The following PCNX2 variants were observed in gnomAD, a reference collection of about 807,000 sequenced individuals.
PCNX2 encodes the protein pecanex-like protein 2.
A neutral mutation model predicts 223.8 loss-of-function variants in PCNX2; 168 were observed. The ratio of observed to expected loss-of-function variants is 0.75; its 90% CI spans 0.66 to 0.85. PCNX2 has a LOEUF of 0.85. Among genes scored for constraint, PCNX2 ranks in the 40% least tolerant of loss-of-function variants. PCNX2 has a pLI of 0.00. For missense variants in PCNX2, 2,507 were observed against 2,675.5 expected, an observed-to-expected ratio of 0.94 and a Z score of 1.39; for synonymous variants, 1,006 against 1,052.6, an observed-to-expected ratio of 0.96 and a Z score of 0.86.
chr1:233,319,795 T>A, the PCNX2 span, among the ~76,000 whole-genome samples: 2 of 152,248 alleles, frequency 1.3e-5, no homozygotes, highest in African/African-American at 4.8e-5. Context: ...TAACTATCAA[T>A]CACTTCTGTA....
At chr1:233,319,598 TTGTC>T in the PCNX2 span, among the ~76,000 whole-genome samples, 6 of 152,246 alleles carry the variant, frequency 3.9e-5, no homozygotes, top group Non-Finnish European at 8.8e-5. Flanking sequence ...TGACCCAGCT[TTGTC>T]TGTACTGCCC....
intron 21 of PCNX2, among the ~76,000 whole-genome samples, chr1:233,104,741 A>C (rs945186187): frequency 3.3e-5 from 5 of 152,198 alleles, no homozygotes; most frequent in African/African-American, 7.2e-5. Flanking sequence ...GGTACATTTA[A>C]AACAATTGAT....
chr1:233,149,228 T>C (rs1254894977), intron 19 of PCNX2, among the ~76,000 whole-genome samples: 1 of 152,264 alleles, frequency 6.6e-6, no homozygotes, highest in Non-Finnish European at 1.5e-5. Context: ...AGTTTATATA[T>C]AACTCATTAC....
In PCNX2 at chr1:233,261,749, G is replaced by T. The variant is rs369208051; in HGVS notation, c.480+296C>A. Reference sequence around the variant, plus strand: ...ATGATGACTTAAATGAATGACAACAGAAAGAAGCAAAGGCCTACATATTGG... The same window carrying T: ...ATGATGACTTAAATGAATGACAACATAAAGAAGCAAAGGCCTACATATTGG... On this transcript the variant is annotated intron_variant, in intron 3 of 33. Transcript: ENST00000258229. 2.6e-5 allele frequency among the ~76,000 whole-genome samples: 4 copies of T among 152,234 alleles called. No individual in the cohort carries two copies. The East Asian group carries it at 7.7e-4, about 29-fold the overall frequency.
chr1:233,021,910 T>A (rs979619155), intron 26 of PCNX2, among the ~76,000 whole-genome samples: 1 of 151,996 alleles, frequency 6.6e-6, no homozygotes, highest in Non-Finnish European at 1.5e-5. Flanking sequence ...AAAAGAAAGG[T>A]GAGTATCAAC....
intron 12 of PCNX2, among the ~76,000 whole-genome samples, chr1:233,209,437 A>G (rs1681701223): frequency 1.3e-5 from 2 of 152,382 alleles, no homozygotes; most frequent in South Asian, 4.1e-4. Context: ...TACATCTCAT[A>G]AATCAATGCA....
chr1:233,140,396 C>T (rs528518315), intron 19 of PCNX2, among the ~76,000 whole-genome samples: 1 of 152,318 alleles, frequency 6.6e-6, no homozygotes, highest in South Asian at 2.1e-4. Flanking sequence ...GTGCTTACAA[C>T]AAAGGAAGTA....
upstream of PCNX2, among the ~76,000 whole-genome samples, chr1:233,300,346 A>G: frequency 6.6e-6 from 1 of 152,254 alleles, no homozygotes. Flanking sequence ...ACAATGTAAA[A>G]GTTGAAATAT....
At chr1:233,211,586 T>G (rs1006468611) in intron 12 of PCNX2, among the ~76,000 whole-genome samples, 31 of 152,140 alleles carry the variant, frequency 2.0e-4, no homozygotes, top group African/African-American at 7.5e-4. Context: ...ACTATTCTCA[T>G]TTTGATAAGA....
chr1:233,198,548 C>T lies in PCNX2; in HGVS notation c.3066+391G>A, dbSNP rs722413. ...TCTAACATTTTGTGGCTGTCATATC[C>T]TCTTCTGTCCTCTTGTCTATCTAGC... On this transcript the variant is annotated intron_variant, in intron 15 of 33. Coordinates refer to ENST00000258229, the MANE Select transcript of PCNX2 (RefSeq NM_014801.4). Among the ~76,000 whole-genome samples the T allele has an allele frequency of 6.7e-3, 1,014 of 152,290 alleles. 8 individuals carry two copies. Among genetic ancestry groups the T allele is most frequent in the Non-Finnish European group, 1.0e-2 (679 of 68,024 alleles).
intron 17 of PCNX2, among the ~76,000 whole-genome samples, chr1:233,162,937 C>T (rs1373495768): frequency 2.0e-5 from 3 of 152,082 alleles, no homozygotes; most frequent in Non-Finnish European, 2.9e-5. Context: ...GGAAGGAAGG[C>T]TGCATTTCTA....
At chr1:233,205,669 G>C (rs990299729) in intron 13 of PCNX2, among the ~76,000 whole-genome samples, 1 of 151,364 alleles carries the variant, frequency 6.6e-6, no homozygotes, top group Admixed American at 6.6e-5. Context: ...GCACTCTACT[G>C]AGCAACAGAG....
chr1:233,245,284 G>A (rs1184182217), intron 8 of PCNX2, among the ~76,000 whole-genome samples: 2 of 152,274 alleles, frequency 1.3e-5, no homozygotes, highest in Admixed American at 1.3e-4. Flanking sequence ...ATACCAGGGA[G>A]ACTGTGATCA....
chr1:233,105,644 C>T (rs1467295253), intron 21 of PCNX2, among the ~76,000 whole-genome samples: 3 of 152,088 alleles, frequency 2.0e-5, no homozygotes, highest in African/African-American at 7.2e-5. Flanking sequence ...AGAAACAATG[C>T]AGGGATGATA....
At chr1:233,004,182 C>T (rs971507622) in intron 28 of PCNX2, among the ~76,000 whole-genome samples, 1 of 151,838 alleles carries the variant, frequency 6.6e-6, no homozygotes, top group African/African-American at 2.4e-5. Context: ...TCATATTTGG[C>T]CAACACTCGA....
In PCNX2 at chr1:233,000,517, C is replaced by T; in HGVS notation, c.5116G>A (p.Asp1706Asn). The T allele has an allele frequency of 6.3e-7, 1 of 1,598,736 alleles. No homozygotes were observed. Among genetic ancestry groups the T allele is most frequent in the Non-Finnish European group, 8.5e-7 (1 of 1,175,656 alleles). ...AGGACTGCTGGGTCTTCATACTCGT[C>T]AGGGCAAGTGAACTGGTCCTGGTGG... ...KLHQDQFTCPDEYEDPAVLYE... is the reference protein window; with the variant it reads ...KLHQDQFTCPNEYEDPAVLYE... Residue 1706 changes from aspartate (D) to asparagine (N), a missense_variant, in exon 30 of 34, where the codon GAC (aspartate) becomes AAC (asparagine). This residue lies in a region of PCNX2 where 1,372 missense variants were observed against 1,509.4 expected (regional missense o/e 0.91). Transcript: ENST00000258229. The surrounding 1 kb of genome is among the most constrained non-coding windows in gnomAD (Gnocchi z 4.6).
Position 232,984,032 on chromosome 1 carries a change from G to T in PCNX2, c.*272C>A, listed in dbSNP as rs2102768874. 3.1e-6 allele frequency: 1 copy of T among 323,650 alleles called. No individual in the cohort carries two copies. The highest frequency in any genetic ancestry group is 5.6e-5 in the East Asian group (1 of 17,768). The allele number at this position is 323,650 out of a possible 1,614,324, so 20.0% of individuals were successfully genotyped here. On this transcript the variant is annotated 3_prime_UTR_variant, in exon 34 of 34. Transcript: ENST00000258229. ...CTCTGGGCAGCGCTGTGCCTGGCCA[G>T]GGAGGTGTGGTGTGGCTTCTTTGTT... is the stretch of plus-strand genomic sequence containing the variant.
At position 233,014,683 on chromosome 1, in the gene PCNX2, G is replaced by GCAGC; in HGVS notation, c.4933_4934insGCTG (p.Ala1645GlyfsTer23). ...CAGGTACCTGATGGCCATATTGTGA[G>GCAGC]CGGCTGTTCCCAGAGCTCTCCTCCC... On this transcript the variant is annotated frameshift_variant, in exon 28 of 34. Transcript: ENST00000258229. LOFTEE classifies it high-confidence loss of function. 1 of 1,613,996 alleles carries GCAGC rather than the reference G, an allele frequency of 6.2e-7. No homozygotes were observed. Among genetic ancestry groups the GCAGC allele is most frequent in the Non-Finnish European group, 8.5e-7 (1 of 1,179,896 alleles).
At chr1:233,163,548 A>T (rs1177233504) in intron 17 of PCNX2, among the ~76,000 whole-genome samples, 1 of 151,710 alleles carries the variant, frequency 6.6e-6, no homozygotes, top group Non-Finnish European at 1.5e-5. Context: ...TAAATTATAT[A>T]ACATATATAT....
Sources: allele counts gnomAD v4.1 joint callset (sites outside exome capture counted in the v4.1 genomes callset), GRCh38; gene constraint gnomAD v4.1.1; regional missense constraint gnomAD v4.1.1; non-coding constraint Gnocchi (gnomAD v3.1); transcripts MANE v1.5; gene names NCBI Gene and HGNC (gene_info 2026-07-23, HGNC 2026-07-21).